Variants in SLC18A1 observed in about 807,000 individuals in gnomAD.
The protein encoded by SLC18A1 is solute carrier family 18 member A1, also known as chromaffin granule amine transporter.
Under a neutral mutation model 53.7 loss-of-function variants are expected in SLC18A1, and 69 were observed. The observed-to-expected ratio is 1.28, with a 90% CI of 1.06 to 1.57. The LOEUF (loss-of-function observed/expected upper bound fraction) is 1.57, where lower values mean the gene tolerates loss of function less well. Among genes scored for constraint, SLC18A1 ranks in the 40% most tolerant of loss-of-function variants. SLC18A1 has a pLI of 0.00. For synonymous variants in SLC18A1, 320 were observed against 248.1 expected (o/e 1.29, Z -2.72); for missense variants, 932 against 668.1 (o/e 1.40, Z -4.35).
chr8:20,154,981 C>T (rs1415117260), intron 10 of SLC18A1, among the ~76,000 whole-genome samples: 1 of 152,186 alleles, frequency 6.6e-6, no homozygotes, highest in Non-Finnish European at 1.5e-5. Context: ...TGTTCCTGCA[C>T]ACCTAAGTGC....
rs2071371156 is a variant in SLC18A1, at chr8:20,145,487, C to T, written c.*276G>A. 7.1e-6 allele frequency: 2 copies of T among 283,400 alleles called. No homozygotes were observed. Among genetic ancestry groups the T allele is most frequent in the Non-Finnish European group, 6.6e-6 (1 of 152,124 alleles). 17.6% of individuals were successfully genotyped at this position (283,400 alleles called of 1,614,324 possible). ...GAGTCACCCCTTGCAGAACCCGTCA[C>T]AGCTCAAGTTTAATCAACCTCACAG... On this transcript the variant is annotated 3_prime_UTR_variant, in exon 16 of 16. Transcript: ENST00000276373.
At chr8:20,170,750 T>C (rs146714388) in intron 8 of SLC18A1, among the ~76,000 whole-genome samples, 1 of 149,984 alleles carries the variant, frequency 6.7e-6, no homozygotes, top group Admixed American at 6.7e-5. Context: ...TATAATTACA[T>C]GTGTGTGTGC....
At position 20,165,044 on chromosome 8, in the gene SLC18A1, T is replaced by C. The variant is rs1346590081; in HGVS notation, c.919+3A>G. 5.6e-6 allele frequency: 9 copies of C among 1,614,006 alleles called. No homozygotes were observed. Among genetic ancestry groups the C allele is most frequent in the African/African-American group, 2.7e-5 (2 of 74,908 alleles). On this transcript the variant is annotated splice_donor_region_variant and intron_variant, in intron 9 of 15. Transcript: ENST00000276373. ...GCCCAATGGGAGGTCATCGCCAGCT[T>C]ACCTGCAGCCACCAGGATGTAAGGG...
intron 6 of SLC18A1, among the ~76,000 whole-genome samples, chr8:20,171,815 T>C (rs1281260952): frequency 6.6e-6 from 1 of 152,156 alleles, no homozygotes; most frequent in Non-Finnish European, 1.5e-5. Context: ...GCACAGTCAA[T>C]GTCTCAGGAA....
intron 10 of SLC18A1, among the ~76,000 whole-genome samples, chr8:20,157,053 G>A (rs917990633): frequency 3.3e-5 from 5 of 152,212 alleles, no homozygotes; most frequent in African/African-American, 1.2e-4. Context: ...CTACATCGGT[G>A]AGCGTAACTA....
rs73608337 is a variant in SLC18A1, at chr8:20,172,894, T to G, written c.724+142A>C. On this transcript the variant is annotated intron_variant, in intron 6 of 15. Transcript: ENST00000276373. ...TTCTTAAGGAGAAGGAAATTTAACCTTTTCTCAGTGATATTTCTAAAGGAG... is the reference window on the plus strand; with the variant it reads ...TTCTTAAGGAGAAGGAAATTTAACCGTTTCTCAGTGATATTTCTAAAGGAG... The G allele has an allele frequency of 8.1e-4, 529 of 654,312 alleles. 7 individuals carry two copies. In the African/African-American group the frequency reaches 8.7e-3, roughly 11 times the overall value. The allele number at this position is 654,312 out of a possible 1,614,324, so 40.5% of individuals were successfully genotyped here. A position where few individuals can be genotyped will look rare whatever the true frequency, so the allele number is the denominator to read the frequency against.
chr8:20,147,381 G>T lies in SLC18A1; in HGVS notation c.1341C>A (p.Thr447=). The T allele has an allele frequency of 6.2e-7, 1 of 1,609,508 alleles. No homozygotes were observed. The highest frequency in any genetic ancestry group is 8.5e-7 in the Non-Finnish European group (1 of 1,178,382). The change falls in exon 15 of 16, where the codon ACC becomes ACA. Residue 447 remains threonine, a synonymous_variant. Transcript: ENST00000276373. ...FCMGFAIGPS[T]GGAIVKAIGF... ...CGATGGCCTTTACAATGGCACCACC[G>T]GTGGATGGACCTGGGAGGGATACAT...
chr8:20,161,136 T>C (rs1203401232), intron 10 of SLC18A1, among the ~76,000 whole-genome samples: 1 of 152,154 alleles, frequency 6.6e-6, no homozygotes, highest in Non-Finnish European at 1.5e-5. Flanking sequence ...CCCAATAGTT[T>C]CAGAAGTCTT....
At chr8:20,156,733 C>G (rs1563735255) in intron 10 of SLC18A1, among the ~76,000 whole-genome samples, 1 of 152,152 alleles carries the variant, frequency 6.6e-6, no homozygotes, top group Non-Finnish European at 1.5e-5. Context: ...TCCGGGGCAA[C>G]AAAAAGTTTA....
chr8:20,148,417 A>T (rs1186663093), intron 12 of SLC18A1: 1 of 1,281,228 alleles, frequency 7.8e-7, no homozygotes, highest in African/African-American at 1.5e-5. Context: ...CTCTTCACCT[A>T]AACATACACT....
At chr8:20,149,358 T>C (rs1281355918) in intron 12 of SLC18A1, among the ~76,000 whole-genome samples, 1 of 152,018 alleles carries the variant, frequency 6.6e-6, no homozygotes, top group African/African-American at 2.4e-5. Flanking sequence ...TATCACTTCA[T>C]ATGCCCACAT....
Position 20,180,361 on chromosome 8 carries a change from G to C in SLC18A1, c.124+480C>G, listed in dbSNP as rs573913670. Among the ~76,000 whole-genome samples, 129 of 152,244 alleles carry C rather than the reference G, an allele frequency of 8.5e-4. 1 individual carries two copies. The highest frequency in any genetic ancestry group is 3.0e-3 in the African/African-American group (126 of 41,536). ...GGGTGTAACTTAATGTAATGATTAGGAGAGTATCAACTAAAAAAAGCAGGA... is the reference window on the plus strand; with the variant it reads ...GGGTGTAACTTAATGTAATGATTAGCAGAGTATCAACTAAAAAAAGCAGGA... On this transcript the variant is annotated intron_variant, in intron 2 of 15. Transcript: ENST00000276373.
Position 20,149,707 on chromosome 8 carries a change from C to A in SLC18A1, c.1115G>T (p.Gly372Val). The A allele has an allele frequency of 6.2e-7, 1 of 1,613,636 alleles. No individual in the cohort carries two copies. The highest frequency in any genetic ancestry group is 1.3e-5 in the African/African-American group (1 of 74,858). The stretch of plus-strand genomic sequence containing the variant: ...CAAGCTGGTACCTACTACCAGCATC[C>A]CGATTAGGGAACACAGCCACCTGGA... ...KMGRWLCSLI[G>V]MLVVGTSLLC... Residue 372 changes from glycine to valine, a missense_variant, in exon 12 of 16, where the codon GGG becomes GTG. By Grantham distance (109) the Gly-to-Val change is moderately radical (BLOSUM62 -3). Transcript: ENST00000276373.
intron 10 of SLC18A1, among the ~76,000 whole-genome samples, chr8:20,160,903 C>T (rs1219753066): frequency 6.6e-6 from 1 of 152,020 alleles, no homozygotes; most frequent in Non-Finnish European, 1.5e-5. Flanking sequence ...AAAAAGGGGC[C>T]AAACTCCCCC....
At chr8:20,153,534 T>C (rs1343268759) in intron 10 of SLC18A1, among the ~76,000 whole-genome samples, 1 of 151,912 alleles carries the variant, frequency 6.6e-6, no homozygotes, top group East Asian at 1.9e-4. Flanking sequence ...AAAAATTAGC[T>C]GGGCATGGTG....
chr8:20,165,731 A>G (rs936362419), intron 8 of SLC18A1, among the ~76,000 whole-genome samples: 1 of 152,084 alleles, frequency 6.6e-6, no homozygotes, highest in African/African-American at 2.4e-5. Flanking sequence ...AGCCATCATT[A>G]TTGCCTTTGC....
Position 20,149,795 on chromosome 8 carries a change from G to A in SLC18A1, c.1095-68C>T, listed in dbSNP as rs148501007. Reference sequence around the variant, plus strand: ...TCCCCTCCACCTGTACCCCATCACCGCCATGCTGACCTGTCCCACCAGCCC... The same window carrying A: ...TCCCCTCCACCTGTACCCCATCACCACCATGCTGACCTGTCCCACCAGCCC... On this transcript the variant is annotated intron_variant, in intron 11 of 15. Coordinates refer to ENST00000276373, the MANE Select transcript of SLC18A1 (RefSeq NM_003053.4). 8.1e-5 allele frequency: 119 copies of A among 1,464,924 alleles called. No individual in the cohort carries two copies. In the East Asian group the frequency reaches 2.1e-3, roughly 26 times the overall value. 90.7% of individuals were successfully genotyped at this position (1,464,924 alleles called of 1,614,324 possible). A position where few individuals can be genotyped will look rare whatever the true frequency, so the allele number is the denominator to read the frequency against.
chr8:20,168,575 T>C (rs2072031614), intron 8 of SLC18A1, among the ~76,000 whole-genome samples: 1 of 152,046 alleles, frequency 6.6e-6, no homozygotes, highest in Admixed American at 6.5e-5. Flanking sequence ...TATTGCTTTT[T>C]TGTTTTTTAG....
chr8:20,159,789 G>A (rs58317440), intron 10 of SLC18A1, among the ~76,000 whole-genome samples: 2 of 152,120 alleles, frequency 1.3e-5, no homozygotes, highest in Non-Finnish European at 2.9e-5. Flanking sequence ...GCCTGTCGCA[G>A]AGTAAGGGCC....
Sources: gnomAD v4.1 joint callset for allele counts (sites outside exome capture counted in the v4.1 genomes callset) on GRCh38, gnomAD v4.1.1 for gene constraint, MANE v1.5 for transcripts, NCBI Gene and HGNC (gene_info 2026-07-23, HGNC 2026-07-21) for gene names.